The following CPS1 variants were observed in gnomAD, a reference collection of about 807,000 sequenced individuals.
CPS1 encodes carbamoyl-phosphate synthase [ammonia], mitochondrial.
Under a neutral mutation model 174.6 loss-of-function variants are expected in CPS1, and 109 were observed. The observed-to-expected ratio is 0.62, with a 90% CI of 0.53 to 0.73. CPS1 has a LOEUF of 0.73. Ranked by LOEUF, CPS1 falls within the 30% of genes least tolerant of loss-of-function variation. The pLI is 0.00. For missense variants in CPS1, 1,689 were observed against 1,821.9 expected, an observed-to-expected ratio of 0.93 and a Z score of 1.33; for synonymous variants, 637 against 632.0, an observed-to-expected ratio of 1.01 and a Z score of -0.12.
intron 1 of CPS1, among the ~76,000 whole-genome samples, chr2:210,495,128 T>G (rs1694960086): frequency 6.6e-6 from 1 of 152,196 alleles, no homozygotes; most frequent in Non-Finnish European, 1.5e-5. Flanking sequence ...AAGCAGAACT[T>G]AATTTTTTAT....
intron 4 of CPS1, among the ~76,000 whole-genome samples, chr2:210,578,118 T>C (rs1455840596): frequency 6.6e-6 from 1 of 152,012 alleles, no homozygotes; most frequent in Non-Finnish European, 1.5e-5. Context: ...ATTTCTTTTC[T>C]TTTTTTTGAG....
At chr2:210,494,684 A>G (rs1288487001) in intron 1 of CPS1, among the ~76,000 whole-genome samples, 1 of 152,228 alleles carries the variant, frequency 6.6e-6, no homozygotes, top group African/African-American at 2.4e-5. Context: ...GTCTAAAATA[A>G]CAAAATTATT....
At chr2:210,525,420 T>C (rs186859938) in intron 1 of CPS1, among the ~76,000 whole-genome samples, 151 of 152,054 alleles carry the variant, frequency 9.9e-4, no homozygotes, top group African/African-American at 3.4e-3. Flanking sequence ...ATTTGTGTAC[T>C]GAACTCAAGG....
At chr2:210,500,728 T>C (rs985223464) in intron 1 of CPS1, among the ~76,000 whole-genome samples, 10 of 152,068 alleles carry the variant, frequency 6.6e-5, no homozygotes, top group Admixed American at 1.3e-4. Flanking sequence ...TGGCACTGAG[T>C]GTTTGCAGTT....
intron 21 of CPS1, chr2:210,619,283 C>T (rs1362131330): frequency 2.0e-5 from 3 of 152,078 alleles, no homozygotes; most frequent in South Asian, 2.1e-4. Flanking sequence ...TAGAATCAGA[C>T]GTACATCACC....
At chr2:210,597,924 G>A (rs895980882) in intron 13 of CPS1, among the ~76,000 whole-genome samples, 5 of 151,666 alleles carry the variant, frequency 3.3e-5, no homozygotes, top group African/African-American at 1.2e-4. Flanking sequence ...ACAAACAGTT[G>A]TATAATGCTT....
At chr2:210,591,106 G>C (rs1011697559) in intron 9 of CPS1, among the ~76,000 whole-genome samples, 200 bp downstream of exon 9, 2 of 151,564 alleles carry the variant, frequency 1.3e-5, no homozygotes, top group African/African-American at 4.8e-5. Flanking sequence ...TACCTTACGT[G>C]GTTGACAGTT....
chr2:210,502,837 C>T (rs1260069673), intron 1 of CPS1, among the ~76,000 whole-genome samples: 1 of 152,140 alleles, frequency 6.6e-6, no homozygotes, highest in African/African-American at 2.4e-5. Flanking sequence ...ACTTGTCCCT[C>T]CTCTTTACAT....
chr2:210,520,867 T>C (rs1171685028), intron 1 of CPS1, among the ~76,000 whole-genome samples: 1 of 152,024 alleles, frequency 6.6e-6, no homozygotes. Context: ...ATCAGAATAT[T>C]TGGGTTTGTT....
intron 1 of CPS1, among the ~76,000 whole-genome samples, chr2:210,488,671 A>G (rs1303634922): frequency 6.6e-6 from 1 of 152,218 alleles, no homozygotes; most frequent in African/African-American, 2.4e-5. Flanking sequence ...GTGACTGTAC[A>G]AATTCCACCT....
chr2:210,654,025 G>A lies in CPS1; in HGVS notation c.3481G>A (p.Glu1161Lys), dbSNP rs1461718627. The A allele has an allele frequency of 1.2e-6, 2 of 1,612,502 alleles. No homozygotes were observed. The highest frequency in any genetic ancestry group is 1.3e-5 in the African/African-American group (1 of 74,878). ...FLEEATRVSQEHPVVLTKFVE... is the reference protein window; with the variant it reads ...FLEEATRVSQKHPVVLTKFVE... ...GCTCCTCTGTTTTCCTTCGTGACAGGAGCACCCAGTGGTGCTGACAAAATT... is the reference window on the plus strand; with the variant it reads ...GCTCCTCTGTTTTCCTTCGTGACAGAAGCACCCAGTGGTGCTGACAAAATT... Residue 1161 changes from glutamate to lysine, a missense_variant and splice_region_variant, in exon 29 of 38, where the codon GAG becomes AAG. Glu to Lys is a moderately conservative substitution (Grantham distance 56). Transcript: ENST00000233072.
chr2:210,566,654 G>A (rs1697312303), intron 1 of CPS1, among the ~76,000 whole-genome samples: 1 of 152,160 alleles, frequency 6.6e-6, no homozygotes, highest in African/African-American at 2.4e-5. Context: ...AAACAGACTG[G>A]GTTCAGAAAC....
chr2:210,512,737 TA>T (rs1695532992), intron 1 of CPS1, among the ~76,000 whole-genome samples: 8 of 974 alleles, frequency 8.2e-3, no homozygotes, highest in Non-Finnish European at 0.038. Flanking sequence ...CCAGTAGTTT[TA>T]TATATATATA....
intron 21 of CPS1, among the ~76,000 whole-genome samples, chr2:210,620,706 GATTATGCAAGA>G (rs1240485163): frequency 2.0e-5 from 3 of 152,002 alleles, no homozygotes; most frequent in Non-Finnish European, 4.4e-5. Flanking sequence ...CAGACAACCA[GATTATGCAAGA>G]ATTCACTCAC....
At chr2:210,484,378 A>G (rs1044596038) in intron 1 of CPS1, among the ~76,000 whole-genome samples, 3 of 152,232 alleles carry the variant, frequency 2.0e-5, no homozygotes, top group Non-Finnish European at 4.4e-5. Context: ...AGAACTTCTT[A>G]TAAGACATGA....
chr2:210,668,208 T>C lies in CPS1; in HGVS notation c.4025T>C (p.Ile1342Thr), dbSNP rs1435089546. The change falls in exon 34 of 38, where the codon ATT (isoleucine) becomes ACT (threonine). Residue 1342 changes from isoleucine to threonine, a missense_variant. Coordinates refer to ENST00000233072, the MANE Select transcript of CPS1 (RefSeq NM_001875.5). ...CAGGTGGCTTGCTTTGGTGAAGGTA[T>C]TCATACAGCCTTCCTAAAGGCAATG... Reference protein sequence around the residue: ...TGEVACFGEGIHTAFLKAMLS... With the variant: ...TGEVACFGEGTHTAFLKAMLS... 5 of 1,613,770 alleles carry C rather than the reference T, an allele frequency of 3.1e-6. No individual in the cohort carries two copies. The highest frequency in any genetic ancestry group is 4.2e-6 in the Non-Finnish European group (5 of 1,179,782).
intron 1 of CPS1, among the ~76,000 whole-genome samples, chr2:210,485,056 G>A (rs1189870897): frequency 9.9e-5 from 15 of 151,176 alleles, no homozygotes; most frequent in Admixed American, 2.0e-4. Flanking sequence ...GTGAAACCCC[G>A]TCTCTACTAA....
chr2:210,631,305 AG>A (rs2105887831), intron 21 of CPS1: 1 of 152,270 alleles, frequency 6.6e-6, no homozygotes, highest in African/African-American at 2.4e-5. Context: ...TTCCTCATTA[AG>A]GGGAATTTAT....
At chr2:210,479,896 C>G (rs1041256295) in intron 1 of CPS1, among the ~76,000 whole-genome samples, 1 of 152,070 alleles carries the variant, frequency 6.6e-6, no homozygotes, top group African/African-American at 2.4e-5. Context: ...GCCTCTAAAA[C>G]TGAATACTTC....
Sources: allele counts gnomAD v4.1 joint callset (sites outside exome capture counted in the v4.1 genomes callset), GRCh38; gene constraint gnomAD v4.1.1; transcripts MANE v1.5; gene names NCBI Gene and HGNC (gene_info 2026-07-23, HGNC 2026-07-21).